The following CIT variants were observed in gnomAD, a reference collection of about 807,000 sequenced individuals.
CIT encodes the protein citron Rho-interacting kinase.
CIT carries 79 observed loss-of-function variants against 272.7 expected under a neutral mutation model. The ratio of observed to expected loss-of-function variants is 0.29; its 90% CI spans 0.24 to 0.35. CIT has a LOEUF of 0.35. CIT is among the 10% of genes least tolerant of loss of function. The probability of loss-of-function intolerance (pLI) is 1.00; values close to 1 mark genes in which losing one functional copy is unlikely to be tolerated. For missense variants in CIT, 1,909 were observed against 2,618.3 expected (o/e 0.73, Z 5.91); for synonymous variants, 948 against 995.6 (o/e 0.95, Z 0.90).
chr12:119,824,084 CAGT>C (rs2138054954), intron 8 of CIT, among the ~76,000 whole-genome samples: 1 of 129,836 alleles, frequency 7.7e-6, no homozygotes, highest in East Asian at 2.2e-4. Flanking sequence ...GTAGAAAGCA[CAGT>C]TATTAGAAAA....
At chr12:119,870,561 A>AAC (rs1414256374) in intron 2 of CIT, among the ~76,000 whole-genome samples, 2 of 150,660 alleles carry the variant, frequency 1.3e-5, no homozygotes, top group Non-Finnish European at 3.0e-5. Flanking sequence ...AAAAAAAAAA[A>AAC]AAAAAAAAAA....
At position 119,869,724 on chromosome 12, in the gene CIT, C is replaced by A. The variant is rs370526719; in HGVS notation, c.97-523G>T. Among the ~76,000 whole-genome samples, 20 of 152,292 alleles carry A rather than the reference C, an allele frequency of 1.3e-4. 2 individuals carry two copies. The highest frequency in any genetic ancestry group is 4.6e-4 in the African/African-American group (19 of 41,560). ...AAACTGGCAGACTGTCTCTAGCCCA[C>A]AGATATGTTTTGTTTGGCCTGTAGT... On this transcript the variant is annotated intron_variant, in intron 2 of 47. Transcript: ENST00000392521.
chr12:119,696,821 C>T (rs548596700), intron 46 of CIT, among the ~76,000 whole-genome samples: 1 of 152,200 alleles, frequency 6.6e-6, no homozygotes, highest in Admixed American at 6.5e-5. Context: ...GCCACCGCAC[C>T]ACCTCCCCTC....
At chr12:119,746,658 T>C (rs745659488) in intron 23 of CIT, among the ~76,000 whole-genome samples, 31 of 152,232 alleles carry the variant, frequency 2.0e-4, no homozygotes, top group Non-Finnish European at 3.4e-4. Context: ...CAGTCATTAA[T>C]ACTGATCCAT....
At chr12:119,867,794 A>G (rs1446745820) in intron 3 of CIT, among the ~76,000 whole-genome samples, 2 of 152,170 alleles carry the variant, frequency 1.3e-5, no homozygotes, top group Non-Finnish European at 2.9e-5. Flanking sequence ...GGACACTAAC[A>G]GCCAACTGCC....
intron 9 of CIT, among the ~76,000 whole-genome samples, chr12:119,819,403 G>A (rs886853936): frequency 5.9e-5 from 9 of 152,156 alleles, no homozygotes; most frequent in East Asian, 1.9e-4. Context: ...AAGCAAAGGC[G>A]CATCCTAGTT....
At chr12:119,818,011 C>CG (rs1967362016) in intron 9 of CIT, among the ~76,000 whole-genome samples, 1 of 151,960 alleles carries the variant, frequency 6.6e-6, no homozygotes, top group Non-Finnish European at 1.5e-5. Flanking sequence ...TATTTGCCAT[C>CG]ATCACAAATA....
intron 5 of CIT, among the ~76,000 whole-genome samples, chr12:119,834,902 G>A (rs1257997737): frequency 1.3e-5 from 2 of 152,128 alleles, no homozygotes; most frequent in Non-Finnish European, 2.9e-5. Context: ...TGTAAACAAT[G>A]GGATAAGACA....
rs1366110059 is a variant in CIT at position 119,857,463 on chromosome 12, T to TACAATGAAC, written c.414+59_414+60insGTTCATTGT. On this transcript the variant is annotated intron_variant, in intron 4 of 47. Coordinates refer to ENST00000392521, the MANE Select transcript of CIT (RefSeq NM_001206999.2). ...TAGACGCCAGTGCAGCAGATTATCG[T>TACAATGAAC]CTTTGCAATGAACACTCCGGTACAG... 3 of 1,549,930 alleles carry TACAATGAAC rather than the reference T, an allele frequency of 1.9e-6. No homozygotes were observed. In the East Asian group the frequency reaches 6.8e-5, roughly 35 times the overall value.
intron 16 of CIT, 81 bp from the exon 17 acceptor site, chr12:119,772,991 A>G: frequency 9.3e-7 from 1 of 1,076,550 alleles, no homozygotes; most frequent in Non-Finnish European, 1.2e-6. Flanking sequence ...CTGCACATGT[A>G]TCCCAGAACT....
chr12:119,867,741 T>C (rs1950555547), intron 3 of CIT, among the ~76,000 whole-genome samples: 1 of 151,580 alleles, frequency 6.6e-6, no homozygotes, highest in African/African-American at 2.4e-5. Flanking sequence ...AAACGTCAAA[T>C]CACCCACTGG....
Position 119,728,526 on chromosome 12 carries a change from C to A in CIT, c.3567G>T (p.Glu1189Asp). Residue 1189 changes from glutamate (E) to aspartate (D), a missense_variant, in exon 28 of 48, where the codon GAG becomes GAT. By Grantham distance (45) the Glu-to-Asp change is conservative (BLOSUM62 2). Transcript: ENST00000392521. The surrounding 1 kb of genome is among the most constrained non-coding windows in gnomAD (Gnocchi z 4.3). ...CCTCTTCCAGAAGCCTCTGTTTGAGCTCTCGTTCAGTCTCCAGCTTCTGCT... is the reference window on the plus strand; with the variant it reads ...CCTCTTCCAGAAGCCTCTGTTTGAGATCTCGTTCAGTCTCCAGCTTCTGCT... ...SLQQKLETER[E>D]LKQRLLEEQA... The A allele has an allele frequency of 6.2e-7, 1 of 1,613,028 alleles. No homozygotes were observed. The highest frequency in any genetic ancestry group is 8.5e-7 in the Non-Finnish European group (1 of 1,179,360).
chr12:119,706,618 T>C (rs1480415985), intron 40 of CIT, among the ~76,000 whole-genome samples: 1 of 152,242 alleles, frequency 6.6e-6, no homozygotes, highest in African/African-American at 2.4e-5. Context: ...GGACATGATC[T>C]CATTCTTTTT....
rs750076080 is a variant in CIT, at chr12:119,730,483, G to T, written c.3486+12C>A. The stretch of plus-strand genomic sequence containing the variant: ...AATGTTTTCCTAAAAAGCAGAAGGG[G>T]TGGGCGCTGACCTTGTCAGAGAGGC... On this transcript the variant is annotated intron_variant, in intron 27 of 47. Coordinates refer to ENST00000392521, the MANE Select transcript of CIT (RefSeq NM_001206999.2). 1 of 1,588,722 alleles carries T rather than the reference G, an allele frequency of 6.3e-7. No homozygotes were observed. Among genetic ancestry groups the T allele is most frequent in the African/African-American group, 1.4e-5 (1 of 74,056 alleles).
chr12:119,730,350 A>C, intron 27 of CIT, 145 bp downstream of exon 27: 7 of 952,814 alleles, frequency 7.3e-6, no homozygotes, highest in Non-Finnish European at 1.0e-5. Context: ...ATGGTAAGGC[A>C]AAACCATGGG....
intron 39 of CIT, among the ~76,000 whole-genome samples, chr12:119,708,751 G>A (rs527831133): frequency 5.3e-5 from 8 of 152,110 alleles, no homozygotes; most frequent in African/African-American, 1.7e-4. Flanking sequence ...GCCTCCCAAA[G>A]TGCTGAGATT....
chr12:119,690,430 G>A lies in CIT; in HGVS notation c.5907C>T (p.Pro1969=), dbSNP rs1225593141. The A allele has an allele frequency of 1.9e-6, 3 of 1,593,976 alleles. No individual in the cohort carries two copies. Among genetic ancestry groups the A allele is most frequent in the Non-Finnish European group, 2.5e-6 (3 of 1,176,676 alleles). ...GCTTGGTGATGTGCTCGTTGTACGTGGGTGGGCCTCGCTTGTTGGGGCTGC... is the reference window on the plus strand; with the variant it reads ...GCTTGGTGATGTGCTCGTTGTACGTAGGTGGGCCTCGCTTGTTGGGGCTGC... ...SRSSPNKRGP[P]TYNEHITKRV... The change falls in exon 47 of 48, where the codon CCC becomes CCT. Residue 1969 remains proline (P), a synonymous_variant. Coordinates refer to ENST00000392521, the MANE Select transcript of CIT (RefSeq NM_001206999.2). This position sits in a 1 kb window ranked among gnomAD's most constrained non-coding sequence, Gnocchi z 6.0.
chr12:119,820,874 G>A (rs371501781), intron 9 of CIT, among the ~76,000 whole-genome samples: 3 of 152,180 alleles, frequency 2.0e-5, no homozygotes, highest in Admixed American at 1.3e-4. Context: ...GGAGGCTGAG[G>A]TGGGAGGACT....
At chr12:119,720,684 A>G (rs1386151714) in intron 29 of CIT, 99 bp from the exon 30 acceptor site, 4 of 763,834 alleles carry the variant, frequency 5.2e-6, no homozygotes, top group Non-Finnish European at 8.3e-6. Flanking sequence ...TTAGGACACT[A>G]ATATATGAAA....
Sources: gnomAD v4.1 joint callset for allele counts (sites outside exome capture counted in the v4.1 genomes callset) on GRCh38, gnomAD v4.1.1 for gene constraint, Gnocchi (gnomAD v3.1) non-coding constraint, MANE v1.5 for transcripts, NCBI Gene and HGNC (gene_info 2026-07-23, HGNC 2026-07-21) for gene names.